The following ARHGEF4 variants were observed in gnomAD, a reference collection of about 807,000 sequenced individuals.
ARHGEF4 encodes Rho guanine nucleotide exchange factor 4, also known as APC-stimulated guanine nucleotide exchange factor 1.
A neutral mutation model predicts 162.0 loss-of-function variants in ARHGEF4; 119 were observed. The observed-to-expected ratio is 0.73, with a 90% CI of 0.63 to 0.86. The LOEUF (loss-of-function observed/expected upper bound fraction) is 0.86, where lower values mean the gene tolerates loss of function less well. Ranked by LOEUF, ARHGEF4 falls within the 40% of genes least tolerant of loss-of-function variation. The pLI is 0.00. For missense variants in ARHGEF4, 2,488 were observed against 2,456.0 expected (o/e 1.01, Z -0.28); for synonymous variants, 1,014 against 979.9 (o/e 1.03, Z -0.65).
At chr2:130,945,142 G>A (rs1000270370) in intron 3 of ARHGEF4, among the ~76,000 whole-genome samples, 10 of 152,026 alleles carry the variant, frequency 6.6e-5, no homozygotes, top group African/African-American at 1.7e-4. Context: ...GGGGGTAAGT[G>A]CGGGAACTCA....
At chr2:130,931,721 A>G (rs1282890769) in intron 3 of ARHGEF4, among the ~76,000 whole-genome samples, 1 of 152,240 alleles carries the variant, frequency 6.6e-6, no homozygotes, top group Non-Finnish European at 1.5e-5. Flanking sequence ...ACACTTTGAC[A>G]ACATGATTTT....
At chr2:130,931,478 G>C (rs553501690) in intron 3 of ARHGEF4, among the ~76,000 whole-genome samples, 1 of 152,284 alleles carries the variant, frequency 6.6e-6, no homozygotes, top group East Asian at 1.9e-4. Context: ...AGCCACAGAA[G>C]CCAGGGCCCC....
chr2:130,980,810 A>G (rs1686069326), intron 4 of ARHGEF4, among the ~76,000 whole-genome samples: 1 of 152,228 alleles, frequency 6.6e-6, no homozygotes, highest in Non-Finnish European at 1.5e-5. Flanking sequence ...ATCCAAGTGA[A>G]TGTCACTTTA....
chr2:130,901,284 G>C (rs1680472023), intron 1 of ARHGEF4, among the ~76,000 whole-genome samples: 1 of 152,150 alleles, frequency 6.6e-6, no homozygotes, highest in Non-Finnish European at 1.5e-5. Flanking sequence ...TGGCAGGTGG[G>C]CGTTGGCTTG....
At chr2:130,952,993 T>C (rs182771138) in intron 4 of ARHGEF4, among the ~76,000 whole-genome samples, 3,171 of 152,188 alleles carry the variant, frequency 0.021, 107 homozygotes, top group African/African-American at 0.071. Context: ...AGATAATTTA[T>C]AGATTCAATG....
intron 1 of ARHGEF4, among the ~76,000 whole-genome samples, chr2:130,907,609 G>T (rs1334217556): frequency 6.6e-6 from 1 of 152,028 alleles, no homozygotes; most frequent in African/African-American, 2.4e-5. Flanking sequence ...AGGACATCTG[G>T]GTTGTTTTCT....
intron 4 of ARHGEF4, among the ~76,000 whole-genome samples, chr2:130,955,300 C>T (rs530775006): frequency 2.3e-4 from 35 of 152,226 alleles, no homozygotes; most frequent in Non-Finnish European, 4.7e-4. Flanking sequence ...CTATTGCCAG[C>T]TTTTTTCCCC....
At chr2:130,837,355 A>G (rs544849062) in intron 1 of ARHGEF4, 1 of 332,912 alleles carries the variant, frequency 3.0e-6, no homozygotes, top group South Asian at 3.1e-5. Flanking sequence ...CTGGGCGCGC[A>G]GGGCACTCGG....
intron 4 of ARHGEF4, among the ~76,000 whole-genome samples, chr2:130,952,024 A>G (rs1683988725): frequency 6.6e-6 from 1 of 152,192 alleles, no homozygotes; most frequent in South Asian, 2.1e-4. Flanking sequence ...AATACATTAT[A>G]TACATTATTT....
intron 3 of ARHGEF4, among the ~76,000 whole-genome samples, chr2:130,942,507 T>C (rs753724775): frequency 2.0e-5 from 3 of 152,090 alleles, no homozygotes; most frequent in Non-Finnish European, 2.9e-5. Context: ...TATTTTTGTG[T>C]AAACACAAAA....
At chr2:130,907,724 C>T (rs149909923) in intron 1 of ARHGEF4, among the ~76,000 whole-genome samples, 35,930 of 151,298 alleles carry the variant, frequency 0.24, 4,411 homozygotes, top group South Asian at 0.29. Flanking sequence ...GAGGCCAAGG[C>T]AGGCAGATCA....
At chr2:131,006,955 T>C (rs1394116611) in intron 4 of ARHGEF4, among the ~76,000 whole-genome samples, 1 of 152,174 alleles carries the variant, frequency 6.6e-6, no homozygotes, top group Non-Finnish European at 1.5e-5. Context: ...GTAGGTAAAA[T>C]TGGTCACCCT....
intron 5 of ARHGEF4, among the ~76,000 whole-genome samples, chr2:131,033,576 G>A (rs749199860): frequency 6.6e-6 from 1 of 152,302 alleles, no homozygotes; most frequent in East Asian, 1.9e-4. Context: ...GCATCCACAC[G>A]TCAGGGGTTC....
chr2:131,036,674 G>A (rs993287940), intron 5 of ARHGEF4, among the ~76,000 whole-genome samples: 2 of 152,196 alleles, frequency 1.3e-5, no homozygotes, highest in Non-Finnish European at 2.9e-5. Context: ...GCTCATTTAA[G>A]GGAACCTAGA....
At position 130,916,752 on chromosome 2, in the gene ARHGEF4, A is replaced by G. The variant is rs1457276177; in HGVS notation, c.2806A>G (p.Ser936Gly). 8.4e-6 allele frequency: 13 copies of G among 1,550,654 alleles called. No individual in the cohort carries two copies. Among genetic ancestry groups the G allele is most frequent in the Admixed American group, 2.0e-5 (1 of 51,010 alleles). The change falls in exon 2 of 14, where the codon AGT (serine) becomes GGT (glycine). Residue 936 changes from serine to glycine, a missense_variant. Physicochemically the swap from Ser to Gly is moderately conservative, Grantham distance 56. Coordinates refer to ENST00000409359, the MANE Select transcript of ARHGEF4 (RefSeq NM_001367493.1). Reference protein sequence around the residue: ...EKENTHERSPSSPKGEKEKSR... With the variant: ...EKENTHERSPGSPKGEKEKSR... ...AGAGAACACCCATGAACGTTCCCCA[A>G]GTTCTCCCAAGGGCGAGAAGGAGAA... is the stretch of plus-strand genomic sequence containing the variant.
Position 130,916,942 on chromosome 2 carries a change from T to C in ARHGEF4, c.2996T>C (p.Val999Ala). 1 of 1,550,660 alleles carries C rather than the reference T, an allele frequency of 6.4e-7. No individual in the cohort carries two copies. Among genetic ancestry groups the C allele is most frequent in the Non-Finnish European group, 8.7e-7 (1 of 1,147,032 alleles). ...CGGGCGGAGGACAAAGAGGGCTATG[T>C]TTTTAGCGATCACTGGGCACCCCCA... ...EERAEDKEGY[V>A]FSDHWAPPLA... Residue 999 changes from valine (V) to alanine (A), a missense_variant, in exon 2 of 14, where the codon GTT becomes GCT. Around this residue, in one of 6 missense-constraint regions of ARHGEF4, gnomAD observed 1,642 missense variants for 1,481.5 expected, o/e 1.11. Coordinates refer to ENST00000409359, the MANE Select transcript of ARHGEF4 (RefSeq NM_001367493.1).
intron 2 of ARHGEF4, among the ~76,000 whole-genome samples, chr2:130,925,149 G>T (rs1396171721): frequency 1.3e-5 from 2 of 151,198 alleles, no homozygotes; most frequent in Non-Finnish European, 3.0e-5. Context: ...TCTAAAATTT[G>T]TATGGAGAGA....
At chr2:131,020,595 T>G (rs1483191271) in intron 4 of ARHGEF4, among the ~76,000 whole-genome samples, 1 of 152,232 alleles carries the variant, frequency 6.6e-6, no homozygotes, top group Non-Finnish European at 1.5e-5. Context: ...CTGTCGTTGT[T>G]GGACATTTGG....
At position 131,040,134 on chromosome 2, in the gene ARHGEF4, T is replaced by C. The variant is rs1483779764; in HGVS notation, c.4424T>C (p.Ile1475Thr). 1.9e-6 allele frequency: 3 copies of C among 1,613,288 alleles called. No individual in the cohort carries two copies. Among genetic ancestry groups the C allele is most frequent in the South Asian group, 1.1e-5 (1 of 91,036 alleles). Residue 1475 changes from isoleucine (I) to threonine (T), a missense_variant, in exon 7 of 14, where the codon ATC becomes ACC. Around this residue, in one of 6 missense-constraint regions of ARHGEF4, gnomAD observed 174 missense variants for 148.3 expected, o/e 1.17. Transcript: ENST00000409359. ...SSKDQMRTNVINEILSTERDY... is the reference protein window; with the variant it reads ...SSKDQMRTNVTNEILSTERDY... ...AAGGACCAGATGCGGACCAACGTCATCAACGAGATCCTCAGCACTGAGCGG... is the reference window on the plus strand; with the variant it reads ...AAGGACCAGATGCGGACCAACGTCACCAACGAGATCCTCAGCACTGAGCGG...
Sources: gnomAD v4.1 joint callset for allele counts (sites outside exome capture counted in the v4.1 genomes callset) on GRCh38, gnomAD v4.1.1 for gene constraint, gnomAD v4.1.1 regional missense constraint, MANE v1.5 for transcripts, NCBI Gene and HGNC (gene_info 2026-07-23, HGNC 2026-07-21) for gene names.